The following PLXNC1 variants were observed in gnomAD, a reference collection of about 807,000 sequenced individuals.
PLXNC1 encodes plexin-C1.
PLXNC1 carries 75 observed loss-of-function variants against 178.2 expected under a neutral mutation model. The observed-to-expected ratio is 0.42, with a 90% CI of 0.35 to 0.51. The LOEUF (loss-of-function observed/expected upper bound fraction) is 0.51. PLXNC1 is among the 20% of genes least tolerant of loss of function. PLXNC1 has a pLI of 0.02. For synonymous variants in PLXNC1, 790 were observed against 779.9 expected, an observed-to-expected ratio of 1.01 and a Z score of -0.22; for missense variants, 1,503 against 1,984.4, an observed-to-expected ratio of 0.76 and a Z score of 4.61.
intron 21 of PLXNC1, among the ~76,000 whole-genome samples, chr12:94,265,972 G>A (rs564843743): frequency 3.6e-4 from 55 of 152,224 alleles, no homozygotes; most frequent in Non-Finnish European, 5.9e-4. Context: ...ATGCTTTTCT[G>A]TTAGTAGAGA....
chr12:94,197,909 A>G (rs574315386), intron 4 of PLXNC1, among the ~76,000 whole-genome samples: 1 of 152,276 alleles, frequency 6.6e-6, no homozygotes, highest in South Asian at 2.1e-4. Flanking sequence ...AAGACACGGC[A>G]CTCAGGGCCC....
intron 15 of PLXNC1, chr12:94,254,458 G>C (rs1964784956): frequency 2.0e-6 from 1 of 492,322 alleles, no homozygotes; most frequent in African/African-American, 1.9e-5. Context: ...GAAGAAACTT[G>C]GCTTGTTTCA....
chr12:94,231,458 G>T (rs1401201802), intron 9 of PLXNC1, among the ~76,000 whole-genome samples: 1 of 152,110 alleles, frequency 6.6e-6, no homozygotes, highest in East Asian at 1.9e-4. Context: ...TTCTTCAGTG[G>T]CAATGGAATG....
At chr12:94,197,324 C>T (rs1341733245) in intron 4 of PLXNC1, among the ~76,000 whole-genome samples, 2 of 152,152 alleles carry the variant, frequency 1.3e-5, no homozygotes, top group Non-Finnish European at 2.9e-5. Flanking sequence ...GTCATGAGGA[C>T]TCTGTCCTCA....
chr12:94,245,044 C>G (rs1455733615), intron 12 of PLXNC1, among the ~76,000 whole-genome samples: 5 of 152,224 alleles, frequency 3.3e-5, no homozygotes, highest in Non-Finnish European at 7.3e-5. Context: ...GACCCAAATT[C>G]CGGGGGCCGC....
intron 9 of PLXNC1, among the ~76,000 whole-genome samples, chr12:94,232,616 G>A (rs572721608): frequency 1.3e-5 from 2 of 152,296 alleles, no homozygotes; most frequent in Admixed American, 6.5e-5. Flanking sequence ...AGACAGGCAG[G>A]CAAAGTGTGT....
At chr12:94,229,529 G>A (rs1964033032) in intron 9 of PLXNC1, among the ~76,000 whole-genome samples, 1 of 152,132 alleles carries the variant, frequency 6.6e-6, no homozygotes, top group Admixed American at 6.6e-5. Context: ...AAGGTCTGTA[G>A]CACTTATATT....
chr12:94,281,859 C>G (rs1260801411), intron 22 of PLXNC1: 2 of 165,044 alleles, frequency 1.2e-5, no homozygotes, highest in Non-Finnish European at 2.7e-5. Context: ...GCAGCCTTGG[C>G]CAGAGAGTCT....
intron 12 of PLXNC1, among the ~76,000 whole-genome samples, chr12:94,246,874 T>TA (rs1166971373): frequency 6.6e-6 from 1 of 151,468 alleles, no homozygotes; most frequent in Non-Finnish European, 1.5e-5. Context: ...TTGTCTTTTT[T>TA]ATGCTCTAGT....
chr12:94,284,136 T>G (rs1966669559), intron 23 of PLXNC1, among the ~76,000 whole-genome samples: 2 of 149,962 alleles, frequency 1.3e-5, no homozygotes, highest in Non-Finnish European at 3.0e-5. Flanking sequence ...TCTCAAGCAC[T>G]GGTCTTAGGT....
Position 94,303,852 on chromosome 12 carries a change from T to C in PLXNC1, c.4483T>C (p.Leu1495=), listed in dbSNP as rs770744072. The change falls in exon 29 of 31, where the codon TTG becomes CTG. Residue 1495 remains leucine (L), a synonymous_variant. Coordinates refer to ENST00000258526, the MANE Select transcript of PLXNC1 (RefSeq NM_005761.3). ...YYKAIRDLPP[L]SSSEMEEFLT... ...CAAAGCAATCAGGGATTTGCCTCCA[T>C]TGTCATCCTCAGAAATGGAAGAATT... 7 of 1,610,318 alleles carry C rather than the reference T, an allele frequency of 4.3e-6. No individual in the cohort carries two copies. The highest frequency in any genetic ancestry group is 5.9e-6 in the Non-Finnish European group (7 of 1,178,396).
At chr12:94,171,254 C>T (rs1258706605) in intron 2 of PLXNC1, among the ~76,000 whole-genome samples, 1 of 152,172 alleles carries the variant, frequency 6.6e-6, no homozygotes, top group Non-Finnish European at 1.5e-5. Flanking sequence ...CGCAGCCGAC[C>T]GAAGTCTCGC....
In PLXNC1 at chr12:94,169,248, C is replaced by CAGG; in HGVS notation, c.1160_1162dup (p.Arg387dup). 6.2e-7 allele frequency: 1 copy of CAGG among 1,613,918 alleles called. No homozygotes were observed. Among genetic ancestry groups the CAGG allele is most frequent in the South Asian group, 1.1e-5 (1 of 91,078 alleles). ...CCGTTTATGGCACCGTGGTAATGAACAGGACTGTTTTATTCTTGGGGACTG... is the reference window on the plus strand; with the variant it reads ...CCGTTTATGGCACCGTGGTAATGAACAGGAGGACTGTTTTATTCTTGGGGACTG... On this transcript the variant is annotated inframe_insertion, in exon 2 of 31. Coordinates refer to ENST00000258526, the MANE Select transcript of PLXNC1 (RefSeq NM_005761.3).
chr12:94,181,081 A>G (rs996865700), intron 2 of PLXNC1, among the ~76,000 whole-genome samples: 1 of 152,186 alleles, frequency 6.6e-6, no homozygotes, highest in African/African-American at 2.4e-5. Context: ...ATTAAGCTAC[A>G]ATTTTTGCCA....
rs1404266239 is a variant in PLXNC1, at chr12:94,260,236, G to A, written c.3252-406G>A. Among the ~76,000 whole-genome samples, 1 of 151,942 alleles carries A rather than the reference G, an allele frequency of 6.6e-6. No homozygotes were observed. The highest frequency in any genetic ancestry group is 1.5e-5 in the Non-Finnish European group (1 of 67,986). On this transcript the variant is annotated intron_variant, in intron 19 of 30. Transcript: ENST00000258526. The surrounding 1 kb of genome is among the most constrained non-coding windows in gnomAD (Gnocchi z 4.4). The stretch of plus-strand genomic sequence containing the variant: ...ACCCAGCTAATGTTTTGTTGTTGTT[G>A]TAGTAGAGATGGGGTCTTGCTATAT...
In PLXNC1 at chr12:94,167,658, A is replaced by G. The variant is rs189706162; in HGVS notation, c.1063-1495A>G. ...CAGTGATCTATTGTTCCAACCTTAG[A>G]CCCACAGAGAATTTTTTTCCTTAAC... On this transcript the variant is annotated intron_variant, in intron 1 of 30. Transcript: ENST00000258526. 1.8e-3 allele frequency among the ~76,000 whole-genome samples: 269 copies of G among 152,274 alleles called. 2 individuals are homozygous for G. Among genetic ancestry groups the G allele is most frequent in the Admixed American group, 0.015 (232 of 15,304 alleles).
chr12:94,151,743 G>A (rs1193875508), intron 1 of PLXNC1, among the ~76,000 whole-genome samples: 1 of 152,304 alleles, frequency 6.6e-6, no homozygotes, highest in Non-Finnish European at 1.5e-5. Flanking sequence ...CTGTGTCGAT[G>A]TGTGGAGCCA....
chr12:94,246,998 G>T (rs1370427773), intron 12 of PLXNC1, among the ~76,000 whole-genome samples: 1 of 152,086 alleles, frequency 6.6e-6, no homozygotes, highest in Non-Finnish European at 1.5e-5. Context: ...TAACCCACCA[G>T]CCTCCTCTGC....
At chr12:94,177,545 GAGAA>G (rs937833771) in intron 2 of PLXNC1, among the ~76,000 whole-genome samples, 1 of 84,860 alleles carries the variant, frequency 1.2e-5, no homozygotes, top group Non-Finnish European at 2.4e-5. Flanking sequence ...AAGAAAGAGA[GAGAA>G]AGAAAAAGAA....
Sources: allele counts gnomAD v4.1 joint callset (sites outside exome capture counted in the v4.1 genomes callset), GRCh38; gene constraint gnomAD v4.1.1; non-coding constraint Gnocchi (gnomAD v3.1); transcripts MANE v1.5; gene names NCBI Gene and HGNC (gene_info 2026-07-23, HGNC 2026-07-21).